The following PREX1 variants were observed in gnomAD, a reference collection of about 807,000 sequenced individuals.
PREX1 encodes phosphatidylinositol-3,4,5-trisphosphate dependent Rac exchange factor 1, also known as phosphatidylinositol 3,4,5-trisphosphate-dependent Rac exchanger 1 protein.
PREX1 carries 41 observed loss-of-function variants against 198.3 expected under a neutral mutation model. The ratio of observed to expected loss-of-function variants is 0.21; its 90% confidence interval spans 0.16 to 0.27. The LOEUF is 0.27. Among genes scored for constraint, PREX1 ranks in the 10% least tolerant of loss-of-function variants. PREX1 has a pLI of 1.00. For synonymous variants in PREX1, 843 were observed against 887.2 expected, an observed-to-expected ratio of 0.95 and a Z score of 0.89; for missense variants, 1,620 against 2,200.7, an observed-to-expected ratio of 0.74 and a Z score of 5.28.
At chr20:48,725,204 C>T (rs945697017) in intron 5 of PREX1, among the ~76,000 whole-genome samples, 2 of 152,234 alleles carry the variant, frequency 1.3e-5, no homozygotes, top group Non-Finnish European at 2.9e-5. Flanking sequence ...TACACAAACC[C>T]CTGTGAGCAG....
chr20:48,641,017 G>GTGGATGGATAGATGGGTGGA (rs1312746356), intron 29 of PREX1, among the ~76,000 whole-genome samples: 1 of 151,944 alleles, frequency 6.6e-6, no homozygotes, highest in East Asian at 1.9e-4. Flanking sequence ...AAATGGATGA[G>GTGGATGGATAGATGGGTGGA]TGGATGGATA....
At chr20:48,791,028 T>C (rs2090336516) in intron 1 of PREX1, among the ~76,000 whole-genome samples, 1 of 152,086 alleles carries the variant, frequency 6.6e-6, no homozygotes, top group South Asian at 2.1e-4. Flanking sequence ...TTCCCAGGAA[T>C]ATGTGAGAGG....
intron 1 of PREX1, among the ~76,000 whole-genome samples, chr20:48,797,980 C>G (rs1278532478): frequency 6.6e-6 from 1 of 152,238 alleles, no homozygotes; most frequent in Non-Finnish European, 1.5e-5. Context: ...CTCTTAATCT[C>G]TTCTCTAGCT....
intron 1 of PREX1, among the ~76,000 whole-genome samples, chr20:48,761,431 TTTAA>T (rs1366952617): frequency 2.0e-5 from 3 of 152,124 alleles, no homozygotes; most frequent in Admixed American, 6.5e-5. Flanking sequence ...AAAGGATGTG[TTTAA>T]TTAATTAGTC....
intron 10 of PREX1, among the ~76,000 whole-genome samples, chr20:48,688,192 T>A (rs1433907272): frequency 6.6e-6 from 1 of 152,142 alleles, no homozygotes; most frequent in East Asian, 1.9e-4. Flanking sequence ...CTGCTTGAAA[T>A]GCCTAGAGTG....
At chr20:48,658,106 G>C in intron 17 of PREX1, 30 bp downstream of exon 17, 1 of 1,598,308 alleles carries the variant, frequency 6.3e-7, no homozygotes, top group Non-Finnish European at 8.5e-7. Flanking sequence ...ACCTGCACAC[G>C]GTCCCTGCCA....
intron 1 of PREX1, among the ~76,000 whole-genome samples, chr20:48,749,653 G>A (rs1290827423): frequency 2.6e-5 from 4 of 152,178 alleles, no homozygotes; most frequent in African/African-American, 9.7e-5. Flanking sequence ...CTCTTGGGAG[G>A]GGGCGCAATG....
chr20:48,626,106 A>C (rs6095215), intron 39 of PREX1, among the ~76,000 whole-genome samples, 179 bp from the exon 40 acceptor site: 12,515 of 152,262 alleles, frequency 0.082, 580 homozygotes, highest in South Asian at 0.13. Context: ...CCAGGCCCCT[A>C]CCCACAGGCA....
At chr20:48,858,794 C>A in the PREX1 span, among the ~76,000 whole-genome samples, 1 of 152,272 alleles carries the variant, frequency 6.6e-6, no homozygotes, top group African/African-American at 2.4e-5. Context: ...TTAATGTAGG[C>A]AGCTGAAGTC....
chr20:48,710,566 G>C (rs207477617), intron 5 of PREX1, among the ~76,000 whole-genome samples: 1 of 152,198 alleles, frequency 6.6e-6, no homozygotes, highest in Non-Finnish European at 1.5e-5. Context: ...AGGTCACACA[G>C]CACATCTGAG....
the PREX1 span, among the ~76,000 whole-genome samples, chr20:48,886,841 C>T: frequency 2.3e-4 from 35 of 152,338 alleles, no homozygotes; most frequent in African/African-American, 8.2e-4. Context: ...TAAAACCAGT[C>T]AATCTGTTAA....
At chr20:48,777,297 G>A (rs2042632486) in intron 1 of PREX1, among the ~76,000 whole-genome samples, 1 of 152,140 alleles carries the variant, frequency 6.6e-6, no homozygotes, top group South Asian at 2.1e-4. Context: ...CCTCCAGCAT[G>A]AGGCCCAGGA....
At chr20:48,656,605 C>T (rs774221155) in intron 18 of PREX1, 3 of 453,926 alleles carry the variant, frequency 6.6e-6, no homozygotes, top group East Asian at 6.9e-5. Context: ...TGACTCCCCC[C>T]TCATCTGCTT....
intron 30 of PREX1, among the ~76,000 whole-genome samples, chr20:48,638,090 C>T (rs2089379371): frequency 6.6e-6 from 1 of 152,108 alleles, no homozygotes; most frequent in Non-Finnish European, 1.5e-5. Flanking sequence ...CCTAGATACA[C>T]ACGTATCCAT....
intron 1 of PREX1, among the ~76,000 whole-genome samples, chr20:48,783,208 G>T (rs1211624077): frequency 2.6e-5 from 4 of 152,172 alleles, no homozygotes; most frequent in Non-Finnish European, 5.9e-5. Context: ...GGAAATGTCT[G>T]TTAGATGGGG....
At chr20:48,829,882 T>G (rs533875385), upstream of PREX1, among the ~76,000 whole-genome samples, 1 of 152,326 alleles carries the variant, frequency 6.6e-6, no homozygotes, top group South Asian at 2.1e-4. Flanking sequence ...TCGTCTAATC[T>G]GTAAAAGGGG....
chr20:48,833,443 CTTTTT>C, the PREX1 span, among the ~76,000 whole-genome samples: 2 of 122,976 alleles, frequency 1.6e-5, no homozygotes, highest in Non-Finnish European at 3.5e-5. Context: ...TCTTTTCTTT[CTTTTT>C]TTTTTTTTTT....
chr20:48,708,487 A>G lies in PREX1; in HGVS notation c.622-66T>C, dbSNP rs964035390. On this transcript the variant is annotated intron_variant, in intron 5 of 39. Transcript: ENST00000371941. ...AATCAATCCAGAGGAGACCCAGGCC[A>G]GAGCTGAACCCAAGAAAACAGACAA... 25 of 1,536,460 alleles carry G rather than the reference A, an allele frequency of 1.6e-5. No individual in the cohort carries two copies. The African/African-American group carries it at 3.4e-4, about 21-fold the overall frequency.
At chr20:48,696,977 T>TACATACACACAC (rs111517056) in intron 7 of PREX1, among the ~76,000 whole-genome samples, 9,148 of 148,578 alleles carry the variant, frequency 0.062, 322 homozygotes, top group South Asian at 0.12. Flanking sequence ...TAAATCTCTT[T>TACATACACACAC]ACACACACAC....
Sources: gnomAD v4.1 joint callset for allele counts (sites outside exome capture counted in the v4.1 genomes callset) on GRCh38, gnomAD v4.1.1 for gene constraint, MANE v1.5 for transcripts, NCBI Gene and HGNC (gene_info 2026-07-23, HGNC 2026-07-21) for gene names.